The following GLIS3 variants were observed in gnomAD, a reference collection of about 807,000 sequenced individuals.
The protein encoded by GLIS3 is zinc finger protein GLIS3.
GLIS3 carries 53 observed loss-of-function variants against 78.6 expected under a neutral mutation model. The observed-to-expected ratio is 0.67, with a 90% CI of 0.54 to 0.85. The LOEUF (loss-of-function observed/expected upper bound fraction) is 0.85. Among genes scored for constraint, GLIS3 ranks in the 40% least tolerant of loss-of-function variants. GLIS3 has a pLI of 0.00. For missense variants in GLIS3, 1,703 were observed against 1,231.1 expected (o/e 1.38, Z -5.74); for synonymous variants, 684 against 509.9 (o/e 1.34, Z -4.60).
the GLIS3 span, among the ~76,000 whole-genome samples, chr9:4,403,025 C>G: frequency 6.6e-6 from 1 of 152,118 alleles, no homozygotes; most frequent in Non-Finnish European, 1.5e-5. Flanking sequence ...ATTTATTAAT[C>G]AAACACTCAA....
chr9:3,905,243 G>A (rs1319579186), intron 6 of GLIS3, among the ~76,000 whole-genome samples: 1 of 148,578 alleles, frequency 6.7e-6, no homozygotes, highest in Non-Finnish European at 1.5e-5. Flanking sequence ...GTCCGCCTCG[G>A]CCTCCCAAAG....
chr9:3,914,107 G>A (rs921383608), intron 6 of GLIS3, among the ~76,000 whole-genome samples: 12 of 150,976 alleles, frequency 7.9e-5, no homozygotes, highest in Admixed American at 6.0e-4. Flanking sequence ...AAATTGAACC[G>A]AAATTTTTTT....
chr9:3,886,898 TGAG>T (rs1822116487), intron 7 of GLIS3, among the ~76,000 whole-genome samples: 1 of 152,192 alleles, frequency 6.6e-6, no homozygotes, highest in Non-Finnish European at 1.5e-5. Flanking sequence ...TTGCTGCCAA[TGAG>T]TAGAAGGAGC....
At chr9:4,012,681 T>C (rs972138257) in intron 4 of GLIS3, among the ~76,000 whole-genome samples, 7 of 151,832 alleles carry the variant, frequency 4.6e-5, no homozygotes, top group African/African-American at 1.7e-4. Flanking sequence ...CGGTGGACCC[T>C]AGCCACCATC....
the GLIS3 span, among the ~76,000 whole-genome samples, chr9:4,464,739 A>T: frequency 6.6e-6 from 1 of 152,236 alleles, no homozygotes; most frequent in Non-Finnish European, 1.5e-5. Flanking sequence ...AAAGAAAATA[A>T]GTTCAAAGAA....
At chr9:4,068,290 T>C (rs956845985) in intron 4 of GLIS3, among the ~76,000 whole-genome samples, 3 of 151,200 alleles carry the variant, frequency 2.0e-5, no homozygotes, top group Admixed American at 2.0e-4. Flanking sequence ...AAGAAAGTTA[T>C]AGAAAAGGTG....
intron 4 of GLIS3, among the ~76,000 whole-genome samples, chr9:3,965,436 T>A (rs1817871125): frequency 6.6e-6 from 1 of 151,986 alleles, no homozygotes; most frequent in Admixed American, 6.5e-5. Flanking sequence ...TCAGGTGATC[T>A]GCCCGCCTCA....
At chr9:4,303,714 T>C (rs1318170536), upstream of GLIS3, among the ~76,000 whole-genome samples, 1 of 152,246 alleles carries the variant, frequency 6.6e-6, no homozygotes, top group Non-Finnish European at 1.5e-5. Flanking sequence ...TCTTGTCTAA[T>C]TGGTGAAATG....
upstream of GLIS3, among the ~76,000 whole-genome samples, chr9:4,352,183 T>C (rs574673838): frequency 6.6e-6 from 1 of 152,314 alleles, no homozygotes; most frequent in African/African-American, 2.4e-5. Context: ...AAAAATACAG[T>C]CATTGTATTA....
intron 4 of GLIS3, among the ~76,000 whole-genome samples, chr9:3,985,034 G>T (rs1194849096): frequency 1.3e-5 from 2 of 151,184 alleles, no homozygotes; most frequent in Non-Finnish European, 2.9e-5. Flanking sequence ...TTTGTAAATT[G>T]CCCAGTCTCA....
chr9:4,124,880 T>C (rs1213635121), intron 3 of GLIS3, among the ~76,000 whole-genome samples: 4 of 152,196 alleles, frequency 2.6e-5, no homozygotes, highest in African/African-American at 7.2e-5. Flanking sequence ...AGGCAGAAAC[T>C]GTGGATTGTG....
At chr9:4,260,019 CAG>C (rs1251595318) in intron 2 of GLIS3, among the ~76,000 whole-genome samples, 1 of 152,126 alleles carries the variant, frequency 6.6e-6, no homozygotes, top group African/African-American at 2.4e-5. Flanking sequence ...GATGGAAACA[CAG>C]AGGGAGAAAG....
At chr9:4,380,762 G>T in the GLIS3 span, among the ~76,000 whole-genome samples, 1 of 152,206 alleles carries the variant, frequency 6.6e-6, no homozygotes, top group Non-Finnish European at 1.5e-5. Flanking sequence ...GAAAGAAACT[G>T]GTAGAAAGGA....
At chr9:4,107,598 G>GC (rs1830860599) in intron 4 of GLIS3, among the ~76,000 whole-genome samples, 1 of 152,022 alleles carries the variant, frequency 6.6e-6, no homozygotes, top group South Asian at 2.1e-4. Flanking sequence ...TTAATGCATT[G>GC]CAATAGTATT....
At chr9:4,127,202 A>T (rs16920722) in intron 2 of GLIS3, among the ~76,000 whole-genome samples, 1 of 152,170 alleles carries the variant, frequency 6.6e-6, no homozygotes, top group Non-Finnish European at 1.5e-5. Context: ...GGGACACTAA[A>T]ATCCAAGTGG....
chr9:4,134,207 T>C (rs1468713218), intron 2 of GLIS3, among the ~76,000 whole-genome samples: 3 of 152,042 alleles, frequency 2.0e-5, no homozygotes, highest in Non-Finnish European at 4.4e-5. Flanking sequence ...TGAAGTAGAG[T>C]TGAAAGCCAA....
chr9:4,342,606 A>G (rs367900431), intron 2 of GLIS3, among the ~76,000 whole-genome samples: 2 of 152,282 alleles, frequency 1.3e-5, no homozygotes, highest in South Asian at 4.1e-4. Flanking sequence ...TATGAATACT[A>G]TAATAGTTCT....
At chr9:3,925,673 G>C (rs950771135) in intron 6 of GLIS3, among the ~76,000 whole-genome samples, 2 of 152,054 alleles carry the variant, frequency 1.3e-5, no homozygotes, top group Non-Finnish European at 1.5e-5. Context: ...GAACTGTTGG[G>C]GTAGGATCCA....
chr9:4,103,872 T>C (rs192812702), intron 4 of GLIS3, among the ~76,000 whole-genome samples: 11 of 152,280 alleles, frequency 7.2e-5, no homozygotes, highest in Admixed American at 7.2e-4. Flanking sequence ...TTCCACCTTG[T>C]TGCTTTCAAT....
Sources: gnomAD v4.1 joint callset for allele counts (sites outside exome capture counted in the v4.1 genomes callset) on GRCh38, gnomAD v4.1.1 for gene constraint, MANE v1.5 for transcripts, NCBI Gene and HGNC (gene_info 2026-07-23, HGNC 2026-07-21) for gene names.